Variants in FAM120A observed in about 807,000 individuals in gnomAD.
FAM120A encodes the protein constitutive coactivator of PPAR-gamma-like protein 1.
In FAM120A, 15 loss-of-function variants were observed where a neutral mutation model predicts 109.7. The observed-to-expected ratio is 0.14, with a 90% CI of 0.09 to 0.21. FAM120A has a LOEUF of 0.21. Among genes scored for constraint, FAM120A ranks in the 10% least tolerant of loss-of-function variants. FAM120A has a pLI of 1.00. For missense variants in FAM120A, 899 were observed against 1,439.3 expected (o/e 0.62, Z 6.07); for synonymous variants, 493 against 572.8 (o/e 0.86, Z 1.99).
At chr9:93,473,379 C>T (rs1858399239) in intron 2 of FAM120A, among the ~76,000 whole-genome samples, 1 of 152,116 alleles carries the variant, frequency 6.6e-6, no homozygotes, top group Non-Finnish European at 1.5e-5. Flanking sequence ...AATCTCGGCT[C>T]ACTGCAACCT....
chr9:93,476,215 T>G, intron 2 of FAM120A, 41 bp from the exon 3 acceptor site: 1 of 1,395,418 alleles, frequency 7.2e-7, no homozygotes, highest in Non-Finnish European at 1.0e-6. Context: ...CCTATGTTAC[T>G]TAAGATGATT....
chr9:93,477,580 G>A (rs530585015), intron 3 of FAM120A, among the ~76,000 whole-genome samples: 9 of 152,360 alleles, frequency 5.9e-5, no homozygotes, highest in Non-Finnish European at 1.3e-4. Context: ...GGGAAATGCA[G>A]CGTGTAATCA....
chr9:93,551,516 A>G (rs1862097355), intron 12 of FAM120A, among the ~76,000 whole-genome samples: 1 of 151,472 alleles, frequency 6.6e-6, no homozygotes. Context: ...GTTTTGTTTT[A>G]TTTTGTTTTG....
At chr9:93,551,330 G>A (rs1051103820) in intron 12 of FAM120A, among the ~76,000 whole-genome samples, 1 of 152,070 alleles carries the variant, frequency 6.6e-6, no homozygotes, top group Admixed American at 6.6e-5. Flanking sequence ...TTTTCAGTGT[G>A]GATATCTTTT....
At chr9:93,487,783 G>A (rs78415175) in intron 3 of FAM120A, among the ~76,000 whole-genome samples, 1,657 of 152,280 alleles carry the variant, frequency 0.011, 35 homozygotes, top group African/African-American at 0.037. Flanking sequence ...GTAACTCATT[G>A]AATTATATGC....
At position 93,562,082 on chromosome 9, in the gene FAM120A, A is replaced by G. The variant is rs1862488606; in HGVS notation, c.2949-126A>G. On this transcript the variant is annotated intron_variant, in intron 16 of 17. Transcript: ENST00000277165. ...AATTCAACAAATTGCAACTTCCGGC[A>G]TAAATGGGTTAATTCAGTGCTTCAT... is the stretch of plus-strand genomic sequence containing the variant. 1.3e-5 allele frequency: 10 copies of G among 783,778 alleles called. No homozygotes were observed. The Middle Eastern group carries it at 1.9e-3, about 149-fold the overall frequency. 48.6% of individuals were successfully genotyped at this position (783,778 alleles called of 1,614,324 possible).
intron 4 of FAM120A, among the ~76,000 whole-genome samples, chr9:93,497,872 G>A (rs893163542): frequency 1.3e-5 from 2 of 152,184 alleles, no homozygotes; most frequent in Non-Finnish European, 2.9e-5. Context: ...CGGTTGGTGA[G>A]GTCTCCTGCT....
intron 1 of FAM120A, among the ~76,000 whole-genome samples, chr9:93,459,455 T>C (rs1857692565): frequency 6.6e-6 from 1 of 152,230 alleles, no homozygotes; most frequent in African/African-American, 2.4e-5. Context: ...CTTTTCTGAC[T>C]GGTTCCCAAT....
chr9:93,555,560 T>C (rs1322479548), intron 12 of FAM120A, among the ~76,000 whole-genome samples: 1 of 152,202 alleles, frequency 6.6e-6, no homozygotes, highest in African/African-American at 2.4e-5. Context: ...AGGGCTAAAC[T>C]TTGATCCTGG....
chr9:93,532,321 C>T lies in FAM120A; in HGVS notation c.1901C>T (p.Pro634Leu). Residue 634 changes from proline to leucine, a missense_variant, in exon 10 of 18, where the codon CCA becomes CTA. Physicochemically the swap from Pro to Leu is moderately conservative, Grantham distance 98. Transcript: ENST00000277165. The surrounding 1 kb of genome is among the most constrained non-coding windows in gnomAD (Gnocchi z 4.3). ...CTTGCTTTTAGAAAGAACAGACTTC[C>T]ACCAGAATGTATGTACTGTAACAAT... ...ERLAFRKNRL[P>L]PEFSPVIIKE... 6.2e-7 allele frequency: 1 copy of T among 1,614,130 alleles called. No homozygotes were observed. The highest frequency in any genetic ancestry group is 8.5e-7 in the Non-Finnish European group (1 of 1,179,996).
rs74568208 is a variant in FAM120A, at chr9:93,519,664, T to A, written c.1418+3395T>A. ...CATTGTCCAGACCTAACTTCTCCTGTCTTCTGTAGTGTACGTTCAGTGATA... is the reference window on the plus strand; with the variant it reads ...CATTGTCCAGACCTAACTTCTCCTGACTTCTGTAGTGTACGTTCAGTGATA... On this transcript the variant is annotated intron_variant, in intron 7 of 17. Transcript: ENST00000277165. Among the ~76,000 whole-genome samples the A allele has an allele frequency of 6.6e-4, 100 of 152,276 alleles. No individual in the cohort carries two copies. The East Asian group carries it at 0.012, about 19-fold the overall frequency.
At position 93,529,523 on chromosome 9, in the gene FAM120A, C is replaced by T. The variant is rs752786328; in HGVS notation, c.1677C>T (p.Ala559=). The change falls in exon 9 of 18, where the codon GCC becomes GCT. Residue 559 remains alanine, a synonymous_variant. Coordinates refer to ENST00000277165, the MANE Select transcript of FAM120A (RefSeq NM_014612.5). ...TCGCACCTGAGGTGCTGAGAGTGGCCGAGCACAGGCACAAGAAGGGGCTGA... is the reference window on the plus strand; with the variant it reads ...TCGCACCTGAGGTGCTGAGAGTGGCTGAGCACAGGCACAAGAAGGGGCTGA... ...PPVAPEVLRV[A]EHRHKKGLMY... The T allele has an allele frequency of 1.4e-5, 22 of 1,614,196 alleles. No homozygotes were observed. The highest frequency in any genetic ancestry group is 1.6e-4 in the Middle Eastern group (1 of 6,062).
chr9:93,459,964 A>G (rs1316722085), intron 1 of FAM120A, among the ~76,000 whole-genome samples: 5 of 152,250 alleles, frequency 3.3e-5, no homozygotes, highest in Admixed American at 6.5e-5. Context: ...GAGATGTCCA[A>G]GTACACCAGG....
rs114399676 is a variant in FAM120A at position 93,475,905 on chromosome 9, A to C, written c.722-351A>C. Among the ~76,000 whole-genome samples, 1,264 of 152,344 alleles carry C rather than the reference A, an allele frequency of 8.3e-3. 16 individuals are homozygous for C. Among genetic ancestry groups the C allele is most frequent in the African/African-American group, 0.029 (1,216 of 41,582 alleles). On this transcript the variant is annotated intron_variant, in intron 2 of 17. Coordinates refer to ENST00000277165, the MANE Select transcript of FAM120A (RefSeq NM_014612.5). Reference sequence around the variant, plus strand: ...ACAGATGAAAGCTTGAACCATAGTCATTTCATGAACAAATGAAAACTTGAA... The same window carrying C: ...ACAGATGAAAGCTTGAACCATAGTCCTTTCATGAACAAATGAAAACTTGAA...
intron 2 of FAM120A, among the ~76,000 whole-genome samples, chr9:93,475,148 T>C (rs990564227): frequency 1.3e-5 from 2 of 152,336 alleles, no homozygotes; most frequent in South Asian, 2.1e-4. Context: ...CAAGTCAGCA[T>C]GAAAGTCATT....
intron 1 of FAM120A, among the ~76,000 whole-genome samples, chr9:93,457,816 T>TA (rs1320911964): frequency 1.1e-4 from 17 of 148,778 alleles, no homozygotes; most frequent in Non-Finnish European, 2.3e-4. Flanking sequence ...TTTTTTTTTT[T>TA]ACTTTAAAAT....
chr9:93,454,924 G>C (rs1474756356), intron 1 of FAM120A, among the ~76,000 whole-genome samples: 1 of 152,206 alleles, frequency 6.6e-6, no homozygotes, highest in African/African-American at 2.4e-5. Flanking sequence ...TGAGCAACTG[G>C]ATCCTTACAC....
intron 1 of FAM120A, among the ~76,000 whole-genome samples, chr9:93,463,182 ATTTTC>A (rs1857869944): frequency 6.6e-6 from 1 of 151,826 alleles, no homozygotes; most frequent in Non-Finnish European, 1.5e-5. Flanking sequence ...GACATTTGTT[ATTTTC>A]TTTTTTTTAA....
chr9:93,482,311 C>CTGGGA (rs1858853171), intron 3 of FAM120A, among the ~76,000 whole-genome samples: 5 of 151,628 alleles, frequency 3.3e-5, no homozygotes, highest in Admixed American at 2.0e-4. Context: ...CCTCAGCCTA[C>CTGGGA]CTAGTAGCTG....
Sources: gnomAD v4.1 joint callset for allele counts (sites outside exome capture counted in the v4.1 genomes callset) on GRCh38, gnomAD v4.1.1 for gene constraint, Gnocchi (gnomAD v3.1) non-coding constraint, MANE v1.5 for transcripts, NCBI Gene and HGNC (gene_info 2026-07-23, HGNC 2026-07-21) for gene names.